SLC35F1: variants seen among roughly 807,000 people sequenced by gnomAD.
SLC35F1 encodes the protein chromosome 6 open reading frame 169.
Under a neutral mutation model 48.7 loss-of-function variants are expected in SLC35F1, and 14 were observed. The observed-to-expected ratio is 0.29, with a 90% confidence interval of 0.19 to 0.45. SLC35F1 has a LOEUF of 0.45. Among genes scored for constraint, SLC35F1 ranks in the 20% least tolerant of loss-of-function variants. The probability of loss-of-function intolerance (pLI) is 1.00; values close to 1 mark genes in which losing one functional copy is unlikely to be tolerated. For synonymous variants in SLC35F1, 190 were observed against 202.2 expected (o/e 0.94, Z 0.51); for missense variants, 404 against 500.0 (o/e 0.81, Z 1.83).
intron 1 of SLC35F1, among the ~76,000 whole-genome samples, chr6:118,130,193 T>C (rs1773689336): frequency 6.6e-6 from 1 of 152,180 alleles, no homozygotes; most frequent in African/African-American, 2.4e-5. Flanking sequence ...CCTTCATCAG[T>C]GGGTTGTTGT....
Position 118,248,928 on chromosome 6 carries a change from C to A in SLC35F1, c.477+13292C>A, listed in dbSNP as rs116729262. 6.4e-3 allele frequency among the ~76,000 whole-genome samples: 979 copies of A among 152,218 alleles called. 7 individuals are homozygous for A. The highest frequency in any genetic ancestry group is 0.022 in the African/African-American group (929 of 41,546). On this transcript the variant is annotated intron_variant, in intron 3 of 7. Transcript: ENST00000360388. ...AGGAGACTAGATCATGAGGGTGGAG[C>A]CATCCTGAATGGTATTAGTGCCCTT...
chr6:117,922,112 C>T (rs1412430142), intron 1 of SLC35F1, among the ~76,000 whole-genome samples: 2 of 151,984 alleles, frequency 1.3e-5, no homozygotes, highest in Non-Finnish European at 2.9e-5. Flanking sequence ...TACTTTTTTT[C>T]TAAAAGAAAT....
chr6:118,073,010 T>A (rs955024569), intron 1 of SLC35F1, among the ~76,000 whole-genome samples: 1 of 152,208 alleles, frequency 6.6e-6, no homozygotes, highest in Non-Finnish European at 1.5e-5. Flanking sequence ...CTACTCCCCA[T>A]ACAATTTCTG....
At chr6:118,067,147 A>C (rs1349530436) in intron 1 of SLC35F1, among the ~76,000 whole-genome samples, 1 of 152,246 alleles carries the variant, frequency 6.6e-6, no homozygotes, top group Non-Finnish European at 1.5e-5. Flanking sequence ...AGGGTGAAAA[A>C]GAATCATGGA....
intron 1 of SLC35F1, among the ~76,000 whole-genome samples, chr6:118,124,017 C>T (rs1773589832): frequency 6.6e-6 from 1 of 152,070 alleles, no homozygotes; most frequent in African/African-American, 2.4e-5. Context: ...AAATCACAGA[C>T]CTGAAGAAAG....
At chr6:118,245,962 C>G (rs1775502317) in intron 3 of SLC35F1, among the ~76,000 whole-genome samples, 1 of 152,138 alleles carries the variant, frequency 6.6e-6, no homozygotes, top group Non-Finnish European at 1.5e-5. Flanking sequence ...GTTTCCTTTC[C>G]TCTTTGCACA....
chr6:118,037,375 AT>A (rs942020685), intron 1 of SLC35F1, among the ~76,000 whole-genome samples: 38 of 151,928 alleles, frequency 2.5e-4, no homozygotes, highest in Admixed American at 5.9e-4. Context: ...CATTTTTATC[AT>A]TTTTTTATCT....
intron 2 of SLC35F1, among the ~76,000 whole-genome samples, chr6:118,212,503 A>G (rs1435338469): frequency 1.3e-5 from 2 of 152,104 alleles, no homozygotes; most frequent in Non-Finnish European, 2.9e-5. Context: ...CACCCTGGCC[A>G]ACATGGTGAA....
intron 1 of SLC35F1, among the ~76,000 whole-genome samples, chr6:118,044,815 G>A (rs1296840024): frequency 6.6e-6 from 1 of 152,060 alleles, no homozygotes; most frequent in African/African-American, 2.4e-5. Flanking sequence ...TCTGTTTACT[G>A]CTTAGCCTCC....
chr6:118,148,523 G>A (rs1221596238), intron 1 of SLC35F1, among the ~76,000 whole-genome samples: 1 of 152,116 alleles, frequency 6.6e-6, no homozygotes, highest in Non-Finnish European at 1.5e-5. Context: ...ATTATAACAG[G>A]TATTTAGCTT....
chr6:118,126,193 A>G (rs2114411695), intron 1 of SLC35F1, among the ~76,000 whole-genome samples: 1 of 152,326 alleles, frequency 6.6e-6, no homozygotes, highest in East Asian at 1.9e-4. Flanking sequence ...TAAAGGAAAG[A>G]TACAAACAGT....
intron 1 of SLC35F1, among the ~76,000 whole-genome samples, chr6:117,909,889 C>T (rs921345371): frequency 5.9e-5 from 9 of 152,180 alleles, no homozygotes; most frequent in East Asian, 5.8e-4. Flanking sequence ...GTTGGGTTGA[C>T]GGCATTTCAT....
intron 1 of SLC35F1, among the ~76,000 whole-genome samples, chr6:118,092,733 G>A (rs1773093379): frequency 6.6e-6 from 1 of 152,112 alleles, no homozygotes; most frequent in African/African-American, 2.4e-5. Context: ...AGTCAAATGA[G>A]GTCATTTTGG....
At chr6:118,159,413 A>C (rs1774194397) in intron 2 of SLC35F1, among the ~76,000 whole-genome samples, 2 of 152,164 alleles carry the variant, frequency 1.3e-5, no homozygotes, top group African/African-American at 4.8e-5. Flanking sequence ...GAAGTTAGTT[A>C]GGAAATTAAA....
chr6:118,108,691 G>C (rs558530876), intron 1 of SLC35F1, among the ~76,000 whole-genome samples: 65 of 152,190 alleles, frequency 4.3e-4, no homozygotes, highest in African/African-American at 1.5e-3. Context: ...CTAGAGTGTG[G>C]GTTGGGGAAT....
At chr6:118,258,910 T>C (rs1435146366) in intron 3 of SLC35F1, among the ~76,000 whole-genome samples, 1 of 151,840 alleles carries the variant, frequency 6.6e-6, no homozygotes, top group Non-Finnish European at 1.5e-5. Flanking sequence ...AAAAAAGGAA[T>C]CATAAATAAC....
At chr6:118,135,329 T>A (rs1263788760) in intron 1 of SLC35F1, among the ~76,000 whole-genome samples, 1 of 152,222 alleles carries the variant, frequency 6.6e-6, no homozygotes, top group East Asian at 1.9e-4. Context: ...TCTTAGTCAA[T>A]CATAACATAC....
chr6:118,118,934 T>C (rs1773509451), intron 1 of SLC35F1, among the ~76,000 whole-genome samples: 1 of 68,108 alleles, frequency 1.5e-5, no homozygotes, highest in African/African-American at 5.1e-5. Context: ...TTTTGTTTGC[T>C]TGTTTGCTTT....
chr6:118,072,457 G>A lies in SLC35F1; in HGVS notation c.174-81988G>A, dbSNP rs190930179. 8.4e-3 allele frequency among the ~76,000 whole-genome samples: 1,285 copies of A among 152,148 alleles called. 11 individuals carry two copies. Among genetic ancestry groups the A allele is most frequent in the Middle Eastern group, 0.02 (6 of 294 alleles). On this transcript the variant is annotated intron_variant, in intron 1 of 7. Transcript: ENST00000360388. ...CAGGCGCCTGTAGTCCCAGCTACTC[G>A]GGAGGCTGGAGCAGGAGAATGGCGT...
Sources: allele counts gnomAD v4.1 joint callset (sites outside exome capture counted in the v4.1 genomes callset), GRCh38; gene constraint gnomAD v4.1.1; transcripts MANE v1.5; gene names NCBI Gene and HGNC (gene_info 2026-07-23, HGNC 2026-07-21).